The following ANK3 variants were observed in gnomAD, a reference collection of about 807,000 sequenced individuals.
ANK3 encodes ankyrin 3, also known as ankyrin-3.
A neutral mutation model predicts 370.9 loss-of-function variants in ANK3; 57 were observed. The observed-to-expected ratio is 0.15, with a 90% confidence interval of 0.12 to 0.19. The LOEUF (loss-of-function observed/expected upper bound fraction) is 0.19, where lower values mean the gene tolerates loss of function less well. ANK3 is among the 10% of genes least tolerant of loss of function. The pLI is 1.00. For missense variants in ANK3, 4,439 were observed against 5,302.1 expected (o/e 0.84, Z 5.06); for synonymous variants, 1,929 against 1,946.3 (o/e 0.99, Z 0.23).
chr10:60,573,053 A>G (rs2077635145), intron 2 of ANK3: 1 of 967,114 alleles, frequency 1.0e-6, no homozygotes, highest in Non-Finnish European at 1.2e-6. Flanking sequence ...CTAGCCTCCC[A>G]TACTAACACA....
intron 1 of ANK3, among the ~76,000 whole-genome samples, chr10:60,325,263 G>A (rs1453450373): frequency 6.6e-6 from 1 of 152,130 alleles, no homozygotes; most frequent in Non-Finnish European, 1.5e-5. Flanking sequence ...CCATCATAGA[G>A]GCACTGAATA....
At chr10:60,572,841 A>T in intron 2 of ANK3, 1 of 1,102,674 alleles carries the variant, frequency 9.1e-7, no homozygotes, top group Non-Finnish European at 1.1e-6. Flanking sequence ...GGTCCTGACA[A>T]GACTTTGTTG....
chr10:60,447,801 G>T (rs1019087336), intron 2 of ANK3, among the ~76,000 whole-genome samples: 2 of 152,136 alleles, frequency 1.3e-5, no homozygotes, highest in Non-Finnish European at 2.9e-5. Context: ...GCAGTTGGCA[G>T]GCCTAGATAC....
intron 1 of ANK3, among the ~76,000 whole-genome samples, chr10:60,360,125 A>G (rs1434926640): frequency 6.6e-6 from 1 of 152,162 alleles, no homozygotes; most frequent in Non-Finnish European, 1.5e-5. Context: ...ACAGTTTCAA[A>G]TCTTGTTGCA....
intron 2 of ANK3, among the ~76,000 whole-genome samples, chr10:60,498,259 C>G (rs576137097): frequency 6.6e-6 from 1 of 152,088 alleles, no homozygotes; most frequent in African/African-American, 2.4e-5. Context: ...AAACAAAAAC[C>G]CTCCAATTTA....
At chr10:60,291,390 C>T (rs529098319) in intron 1 of ANK3, among the ~76,000 whole-genome samples, 1 of 152,192 alleles carries the variant, frequency 6.6e-6, no homozygotes, top group African/African-American at 2.4e-5. Flanking sequence ...TGACTTCAAA[C>T]TATTTTGACT....
chr10:60,592,908 A>G (rs2077936837), intron 2 of ANK3, among the ~76,000 whole-genome samples: 1 of 152,218 alleles, frequency 6.6e-6, no homozygotes, highest in Non-Finnish European at 1.5e-5. Context: ...TATTGATGAA[A>G]GTAACACTCC....
intron 1 of ANK3, among the ~76,000 whole-genome samples, chr10:60,298,987 G>A (rs2043120239): frequency 6.6e-6 from 1 of 152,152 alleles, no homozygotes. Flanking sequence ...AGTTTTGGAT[G>A]GGTAAGTTGA....
intron 1 of ANK3, among the ~76,000 whole-genome samples, chr10:60,620,693 C>G (rs892123948): frequency 5.3e-5 from 8 of 152,110 alleles, no homozygotes; most frequent in East Asian, 1.9e-4. Context: ...CTTAAGAAAC[C>G]ATTAGTTGTG....
chr10:60,352,414 C>T (rs1005457439), intron 1 of ANK3, among the ~76,000 whole-genome samples: 1 of 152,226 alleles, frequency 6.6e-6, no homozygotes, highest in Admixed American at 6.5e-5. Context: ...AACACAGATG[C>T]TAGTCCTGAA....
At chr10:60,077,766 G>A (rs553843307) in intron 36 of ANK3, among the ~76,000 whole-genome samples, 1 of 152,266 alleles carries the variant, frequency 6.6e-6, no homozygotes, top group South Asian at 2.1e-4. Context: ...GATATGTGGG[G>A]TGTGTGTATA....
intron 1 of ANK3, among the ~76,000 whole-genome samples, chr10:60,625,048 A>G (rs2078389416): frequency 6.6e-6 from 1 of 152,094 alleles, no homozygotes; most frequent in Non-Finnish European, 1.5e-5. Flanking sequence ...CCAACAGAAC[A>G]CGTACCCACC....
At chr10:60,380,805 G>T (rs1191365072) in intron 1 of ANK3, among the ~76,000 whole-genome samples, 2 of 152,278 alleles carry the variant, frequency 1.3e-5, no homozygotes, top group East Asian at 3.9e-4. Context: ...AGACAAGTGG[G>T]AGCGTTTGAA....
chr10:60,209,842 A>G (rs972861335), intron 9 of ANK3, among the ~76,000 whole-genome samples: 2 of 152,204 alleles, frequency 1.3e-5, no homozygotes, highest in African/African-American at 4.8e-5. Flanking sequence ...GGAGAGTAAA[A>G]ATGGGAGGCA....
chr10:60,189,170 C>A (rs571479783), intron 16 of ANK3, among the ~76,000 whole-genome samples: 1 of 152,150 alleles, frequency 6.6e-6, no homozygotes, highest in African/African-American at 2.4e-5. Context: ...CAAAAAGAAT[C>A]CTATGTCCTA....
At chr10:60,063,008 C>T in intron 40 of ANK3, 103 bp downstream of exon 40, 1 of 1,208,214 alleles carries the variant, frequency 8.3e-7, no homozygotes, top group South Asian at 1.7e-5. Flanking sequence ...GAAACTAAGT[C>T]AAGCAAATCA....
chr10:60,720,027 C>A, intron 1 of ANK3, among the ~76,000 whole-genome samples: 1 of 152,176 alleles, frequency 6.6e-6, no homozygotes, highest in African/African-American at 2.4e-5. Context: ...AAATGTTGAA[C>A]GAATTCCCAT....
chr10:60,620,678 G>A (rs552831857), intron 1 of ANK3, among the ~76,000 whole-genome samples: 28 of 152,104 alleles, frequency 1.8e-4, no homozygotes, highest in Admixed American at 3.9e-4. Context: ...CATCTTGACA[G>A]CCCACTTAAG....
intron 43 of ANK3, among the ~76,000 whole-genome samples, chr10:60,030,985 A>T (rs2073361963): frequency 6.6e-6 from 1 of 152,128 alleles, no homozygotes. Context: ...TGAGAGAGGT[A>T]ATCTCTGAGA....
Sources: gnomAD v4.1 joint callset for allele counts (sites outside exome capture counted in the v4.1 genomes callset) on GRCh38, gnomAD v4.1.1 for gene constraint, MANE v1.5 for transcripts, NCBI Gene and HGNC (gene_info 2026-07-23, HGNC 2026-07-21) for gene names.